Variants in SLC25A26 observed in about 807,000 individuals in gnomAD.
The protein encoded by SLC25A26 is mitochondrial S-adenosylmethionine carrier protein.
A neutral mutation model predicts 37.8 loss-of-function variants in SLC25A26; 36 were observed. The ratio of observed to expected loss-of-function variants is 0.95; its 90% CI spans 0.73 to 1.26. SLC25A26 has a LOEUF of 1.26. Among genes scored for constraint, SLC25A26 ranks in the 50% most tolerant of loss-of-function variants. The probability of loss-of-function intolerance (pLI) is 0.00; values close to 1 mark genes in which losing one functional copy is unlikely to be tolerated. For synonymous variants in SLC25A26, 129 were observed against 122.5 expected (o/e 1.05, Z -0.35); for missense variants, 390 against 331.1 (o/e 1.18, Z -1.38).
Position 66,316,519 on chromosome 3 carries a change from C to T in SLC25A26, c.454-29845C>T, listed in dbSNP as rs564310462. Reference sequence around the variant, plus strand: ...TAATGGGCCTCCCTGTAGAGATGAGCGGCCTTTCTCTCTGGCTGCCCTTAA... The same window carrying T: ...TAATGGGCCTCCCTGTAGAGATGAGTGGCCTTTCTCTCTGGCTGCCCTTAA... On this transcript the variant is annotated intron_variant, in intron 5 of 9. Transcript: ENST00000354883. Among the ~76,000 whole-genome samples the T allele has an allele frequency of 7.2e-4, 109 of 152,182 alleles. 1 individual carries two copies. The highest frequency in any genetic ancestry group is 1.5e-3 in the Admixed American group (23 of 15,276).
chr3:66,177,626 C>T (rs530362231), intron 1 of SLC25A26, among the ~76,000 whole-genome samples: 2 of 152,200 alleles, frequency 1.3e-5, no homozygotes, highest in East Asian at 3.9e-4. Flanking sequence ...CATCGTCTGT[C>T]CTGTGACTGC....
intron 5 of SLC25A26, among the ~76,000 whole-genome samples, chr3:66,301,407 C>G (rs1360199880): frequency 6.6e-6 from 1 of 152,212 alleles, no homozygotes; most frequent in Non-Finnish European, 1.5e-5. Flanking sequence ...AATTGTTTGC[C>G]ACAGTTCCCA....
rs1046602291 is a variant in SLC25A26 at position 66,214,353 on chromosome 3, G to A, written c.-353-6389G>A. Among the ~76,000 whole-genome samples, 762 of 152,226 alleles carry A rather than the reference G, an allele frequency of 5.0e-3. 12 individuals carry two copies. Among genetic ancestry groups the A allele is most frequent in the African/African-American group, 0.013 (549 of 41,532 alleles). ...CCATACTTGTACAGCCTGCAGAACC[G>A]TGAGCCAAATAAACCTCTTTTCTTT... On this transcript the variant is annotated intron_variant, in intron 1 of 10. Transcript: ENST00000676754.
intron 1 of SLC25A26, among the ~76,000 whole-genome samples, chr3:66,224,631 C>T (rs151209528): frequency 1.5e-4 from 23 of 152,344 alleles, no homozygotes; most frequent in South Asian, 6.2e-4. Flanking sequence ...CTCCTATCCT[C>T]ACATTTCAAA....
chr3:66,214,029 A>G (rs1354076085), intron 1 of SLC25A26, among the ~76,000 whole-genome samples: 2 of 152,220 alleles, frequency 1.3e-5, no homozygotes, highest in Non-Finnish European at 2.9e-5. Flanking sequence ...CAGAAATGTC[A>G]GAGTTTACGG....
intron 5 of SLC25A26, among the ~76,000 whole-genome samples, chr3:66,281,943 C>T (rs2074354699): frequency 6.6e-6 from 1 of 151,030 alleles, no homozygotes; most frequent in Non-Finnish European, 1.5e-5. Context: ...CTGCCTCAGC[C>T]TCCCGAGTAA....
chr3:66,140,545 A>G (rs2070018234), intron 1 of SLC25A26, among the ~76,000 whole-genome samples: 1 of 152,336 alleles, frequency 6.6e-6, no homozygotes, highest in East Asian at 1.9e-4. Flanking sequence ...GAATTCAACT[A>G]ACATACAGGA....
At chr3:66,153,926 T>G (rs1309109900) in intron 1 of SLC25A26, among the ~76,000 whole-genome samples, 1 of 152,226 alleles carries the variant, frequency 6.6e-6, no homozygotes, top group Non-Finnish European at 1.5e-5. Flanking sequence ...CTGAGAAGGT[T>G]ATTTCTATCC....
chr3:66,336,946 A>G (rs560980151), intron 5 of SLC25A26, among the ~76,000 whole-genome samples: 57 of 152,278 alleles, frequency 3.7e-4, no homozygotes, highest in African/African-American at 1.3e-3. Context: ...GTGAGGTACA[A>G]CTTGTATCTA....
chr3:66,366,745 A>T (rs1052403969), intron 7 of SLC25A26, among the ~76,000 whole-genome samples: 5 of 152,240 alleles, frequency 3.3e-5, no homozygotes, highest in African/African-American at 1.2e-4. Context: ...TCACATACGA[A>T]AGTGGGTTTA....
intron 1 of SLC25A26, among the ~76,000 whole-genome samples, chr3:66,210,646 G>A (rs1407221974): frequency 2.6e-5 from 4 of 151,966 alleles, no homozygotes; most frequent in Admixed American, 2.6e-4. Context: ...TCGAGTAGTT[G>A]GGGCTATAGA....
At chr3:66,174,186 T>C (rs777961156) in intron 1 of SLC25A26, among the ~76,000 whole-genome samples, 5 of 152,238 alleles carry the variant, frequency 3.3e-5, no homozygotes, top group Non-Finnish European at 7.3e-5. Flanking sequence ...TATTTAATTC[T>C]TCTATGACAG....
At chr3:66,371,680 G>T (rs1452562478) in intron 9 of SLC25A26, among the ~76,000 whole-genome samples, 1 of 152,136 alleles carries the variant, frequency 6.6e-6, no homozygotes, top group African/African-American at 2.4e-5. Context: ...TGCCACTTAG[G>T]GCTGCCATAT....
intron 5 of SLC25A26, among the ~76,000 whole-genome samples, chr3:66,343,153 C>G (rs1042713924): frequency 6.6e-6 from 1 of 152,174 alleles, no homozygotes; most frequent in Non-Finnish European, 1.5e-5. Flanking sequence ...TTCTGACGGG[C>G]CCACGTTCTG....
chr3:66,145,151 C>G (rs2070096776), intron 1 of SLC25A26, among the ~76,000 whole-genome samples: 1 of 152,176 alleles, frequency 6.6e-6, no homozygotes, highest in Admixed American at 6.5e-5. Context: ...TTTCCCCTGT[C>G]TTCTCTGAGC....
chr3:66,143,920 C>G (rs556499465), intron 1 of SLC25A26, among the ~76,000 whole-genome samples: 1 of 152,022 alleles, frequency 6.6e-6, no homozygotes, highest in South Asian at 2.1e-4. Context: ...AACAGCAAAG[C>G]CTTAAACCAA....
At chr3:66,344,208 A>G (rs1286824729) in intron 5 of SLC25A26, among the ~76,000 whole-genome samples, 4 of 152,216 alleles carry the variant, frequency 2.6e-5, no homozygotes, top group Admixed American at 6.5e-5. Flanking sequence ...ATAAATATTT[A>G]GGAAATAACA....
intron 6 of SLC25A26, among the ~76,000 whole-genome samples, chr3:66,358,198 G>A (rs1390477395): frequency 1.3e-5 from 2 of 152,118 alleles, no homozygotes; most frequent in East Asian, 1.9e-4. Context: ...CCAAATAGAT[G>A]AGCAAATATG....
intron 5 of SLC25A26, among the ~76,000 whole-genome samples, chr3:66,323,554 C>T (rs2075752890): frequency 6.6e-6 from 1 of 152,072 alleles, no homozygotes; most frequent in East Asian, 1.9e-4. Context: ...GTCTGTAATC[C>T]CAGCACTTTG....
Sources: gnomAD v4.1 joint callset for allele counts (sites outside exome capture counted in the v4.1 genomes callset) on GRCh38, gnomAD v4.1.1 for gene constraint, MANE v1.5 for transcripts, NCBI Gene and HGNC (gene_info 2026-07-23, HGNC 2026-07-21) for gene names.